Variants in KALRN observed in about 807,000 individuals in gnomAD.
The protein encoded by KALRN is kalirin RhoGEF kinase.
In KALRN, 70 loss-of-function variants were observed where a neutral mutation model predicts 353.7. The ratio of observed to expected loss-of-function variants is 0.20; its 90% CI spans 0.16 to 0.24. The LOEUF (loss-of-function observed/expected upper bound fraction) is 0.24. Ranked by LOEUF, KALRN falls within the 10% of genes least tolerant of loss-of-function variation. The probability of loss-of-function intolerance (pLI) is 1.00; values close to 1 mark genes in which losing one functional copy is unlikely to be tolerated. For synonymous variants in KALRN, 1,391 were observed against 1,434.8 expected, an observed-to-expected ratio of 0.97 and a Z score of 0.69; for missense variants, 2,791 against 3,756.7, an observed-to-expected ratio of 0.74 and a Z score of 6.72.
At chr3:124,657,703 C>T in intron 40 of KALRN, 31 bp from the exon 41 acceptor site, 1 of 1,541,128 alleles carries the variant, frequency 6.5e-7, no homozygotes, top group Non-Finnish European at 9.0e-7. Context: ...AATAATGTGG[C>T]TTCCTTCTCT....
Position 124,722,066 on chromosome 3 carries a change from C to T in KALRN, c.*2596C>T, listed in dbSNP as rs956702234. 5.3e-5 allele frequency: 8 copies of T among 152,340 alleles called. No homozygotes were observed. Among genetic ancestry groups the T allele is most frequent in the African/African-American group, 1.9e-4 (8 of 41,452 alleles). 9.4% of individuals were successfully genotyped at this position (152,340 alleles called of 1,614,324 possible). ...AGCTTGGCAAGTTCTGTTCTGTCCA[C>T]TGTGGATGACCTGAATCAAGATCCC... On this transcript the variant is annotated 3_prime_UTR_variant, in exon 60 of 60. Coordinates refer to ENST00000682506, the MANE Select transcript of KALRN (RefSeq NM_001388419.1).
chr3:124,210,103 C>T (rs1010729441), intron 1 of KALRN, among the ~76,000 whole-genome samples: 21 of 152,168 alleles, frequency 1.4e-4, no homozygotes, highest in Non-Finnish European at 2.5e-4. Flanking sequence ...ATTATGTAAA[C>T]GCTCTCTGTA....
chr3:124,676,370 C>T (rs2087191635), intron 49 of KALRN, among the ~76,000 whole-genome samples: 1 of 152,172 alleles, frequency 6.6e-6, no homozygotes. Context: ...TCAGCACACC[C>T]TCCCCAAGGC....
At chr3:124,686,007 T>C (rs1007711742) in intron 51 of KALRN, among the ~76,000 whole-genome samples, 96 of 152,110 alleles carry the variant, frequency 6.3e-4, no homozygotes, top group African/African-American at 2.2e-3. Flanking sequence ...CACAATTTGA[T>C]TAACACAAGG....
Position 124,356,877 on chromosome 3 carries a change from C to T in KALRN, c.1770+9612C>T, listed in dbSNP as rs1576247333. ...CTCTCTCTCAGTCTCAACAGCCACG[C>T]CTACTCTCATGGCTTCCAAATCCAT... On this transcript the variant is annotated intron_variant, in intron 10 of 59. Coordinates refer to ENST00000682506, the MANE Select transcript of KALRN (RefSeq NM_001388419.1). Among the ~76,000 whole-genome samples the T allele has an allele frequency of 2.0e-5, 3 of 152,198 alleles. No individual in the cohort carries two copies. In the South Asian group the frequency reaches 6.2e-4, roughly 31 times the overall value.
intron 9 of KALRN, among the ~76,000 whole-genome samples, chr3:124,336,559 T>A (rs2081156221): frequency 6.6e-6 from 1 of 151,656 alleles, no homozygotes; most frequent in Non-Finnish European, 1.5e-5. Context: ...GCAAGGAGGG[T>A]GTGTGAAAGG....
intron 1 of KALRN, among the ~76,000 whole-genome samples, chr3:124,038,643 T>C (rs1379205842): frequency 6.6e-6 from 1 of 152,224 alleles, no homozygotes; most frequent in Non-Finnish European, 1.5e-5. Flanking sequence ...AAGAGTGATG[T>C]GGAGATATTT....
intron 10 of KALRN, among the ~76,000 whole-genome samples, chr3:124,378,923 G>A (rs2086944416): frequency 6.6e-6 from 1 of 151,242 alleles, no homozygotes; most frequent in African/African-American, 2.4e-5. Flanking sequence ...TTGTGTTGAG[G>A]GTTTGTTGGG....
At chr3:124,215,213 G>A (rs999818064) in intron 1 of KALRN, among the ~76,000 whole-genome samples, 1 of 152,194 alleles carries the variant, frequency 6.6e-6, no homozygotes, top group East Asian at 1.9e-4. Flanking sequence ...GGGAACAGGA[G>A]GCTTTCTTTT....
chr3:124,220,461 C>T (rs2077770581), intron 1 of KALRN, among the ~76,000 whole-genome samples: 4 of 151,240 alleles, frequency 2.6e-5, no homozygotes, highest in Admixed American at 6.6e-5. Context: ...ACCCCTTTAC[C>T]TTATGTTTTC....
At chr3:124,087,346 C>T (rs572412281) in intron 1 of KALRN, among the ~76,000 whole-genome samples, 10 of 152,228 alleles carry the variant, frequency 6.6e-5, no homozygotes, top group Admixed American at 3.9e-4. Flanking sequence ...TTCAAGCAAG[C>T]ATGTTAATTA....
chr3:124,418,705 C>T (rs777135876), intron 14 of KALRN, among the ~76,000 whole-genome samples: 5 of 152,210 alleles, frequency 3.3e-5, no homozygotes, highest in Non-Finnish European at 5.9e-5. Context: ...AGCAAACTAA[C>T]GCTTATTATT....
chr3:124,630,774 G>T (rs527945799), intron 34 of KALRN, among the ~76,000 whole-genome samples: 3 of 152,232 alleles, frequency 2.0e-5, no homozygotes, highest in South Asian at 2.1e-4. Flanking sequence ...AAGCATATAC[G>T]ATTGAAAATA....
chr3:124,036,364 C>A lies in KALRN; in HGVS notation c.73+2551C>A, dbSNP rs574619624. On this transcript the variant is annotated intron_variant, in intron 1 of 59. Transcript: ENST00000682506. ...AGTTTGCTTAAGATAACAGCCTCCA[C>A]CTCCATCCATGTTGCTGCAAAGGGC... Among the ~76,000 whole-genome samples, 41 of 152,026 alleles carry A rather than the reference C, an allele frequency of 2.7e-4. 1 individual carries two copies. The highest frequency in any genetic ancestry group is 2.6e-4 in the Admixed American group (4 of 15,246).
At chr3:124,707,872 G>A (rs2062711993) in intron 57 of KALRN, among the ~76,000 whole-genome samples, 1 of 152,192 alleles carries the variant, frequency 6.6e-6, no homozygotes, top group Non-Finnish European at 1.5e-5. Context: ...AATTCTATAT[G>A]AAATGACTCA....
chr3:124,518,927 C>T (rs1231873951), intron 33 of KALRN: 1 of 1,001,880 alleles, frequency 1.0e-6, no homozygotes, highest in Non-Finnish European at 1.2e-6. Flanking sequence ...AAAAACCCAT[C>T]ATTCTAATCT....
At chr3:124,427,467 T>C (rs1208213880) in intron 15 of KALRN, among the ~76,000 whole-genome samples, 1 of 152,184 alleles carries the variant, frequency 6.6e-6, no homozygotes, top group African/African-American at 2.4e-5. Flanking sequence ...TTGCTGTAGG[T>C]ATGACCTTGA....
intron 33 of KALRN, among the ~76,000 whole-genome samples, chr3:124,524,789 T>G (rs943670763): frequency 6.6e-6 from 1 of 152,220 alleles, no homozygotes; most frequent in African/African-American, 2.4e-5. Context: ...GTCTCTTAAA[T>G]ATATTTCAAA....
chr3:124,659,198 A>C (rs1375495766), intron 42 of KALRN, among the ~76,000 whole-genome samples, 167 bp from the exon 43 acceptor site: 1 of 151,902 alleles, frequency 6.6e-6, no homozygotes, highest in Non-Finnish European at 1.5e-5. Flanking sequence ...TGTGTTGTTC[A>C]TAACAAGTGA....
Sources: gnomAD v4.1 joint callset for allele counts (sites outside exome capture counted in the v4.1 genomes callset) on GRCh38, gnomAD v4.1.1 for gene constraint, MANE v1.5 for transcripts, NCBI Gene and HGNC (gene_info 2026-07-23, HGNC 2026-07-21) for gene names.